The following LEPROT variants were observed in gnomAD, a reference collection of about 807,000 sequenced individuals.
LEPROT encodes the protein leptin receptor gene-related protein.
Under a neutral mutation model 15.4 loss-of-function variants are expected in LEPROT, and 3 were observed. That is an observed-to-expected ratio of 0.19 (90% CI 0.09 to 0.50). LEPROT has a LOEUF of 0.50. LEPROT is among the 20% of genes least tolerant of loss of function. The pLI is 0.97. For synonymous variants in LEPROT, 59 were observed against 57.5 expected (o/e 1.03, Z -0.12); for missense variants, 137 against 162.2 (o/e 0.84, Z 0.84).
intron 2 of LEPROT, among the ~76,000 whole-genome samples, chr1:65,429,174 A>G (rs1646436510): frequency 6.6e-6 from 1 of 152,118 alleles, no homozygotes; most frequent in Non-Finnish European, 1.5e-5. Context: ...GACCAGGGAA[A>G]GTTCTGCTTT....
intron 1 of LEPROT, among the ~76,000 whole-genome samples, chr1:65,423,049 A>G (rs758522530): frequency 2.5e-4 from 38 of 152,174 alleles, no homozygotes; most frequent in Non-Finnish European, 4.4e-4. Flanking sequence ...GTGGAATGCA[A>G]TCATGGTGTC....
In LEPROT at chr1:65,433,238, G is replaced by GAT; in HGVS notation, c.*1323_*1324dup. The stretch of plus-strand genomic sequence containing the variant: ...TACGGCTCTGGCTTCTTCCCGAAGA[G>GAT]ATATAGGAGCCATGTAAGCACGCAG... On this transcript the variant is annotated 3_prime_UTR_variant, in exon 4 of 4. Coordinates refer to ENST00000371065, the MANE Select transcript of LEPROT (RefSeq NM_017526.5). 1.0e-6 allele frequency: 1 copy of GAT among 985,370 alleles called. No homozygotes were observed. Among genetic ancestry groups the GAT allele is most frequent in the Non-Finnish European group, 1.2e-6 (1 of 829,944 alleles). 61.0% of individuals were successfully genotyped at this position (985,370 alleles called of 1,614,324 possible). A position where few individuals can be genotyped will look rare whatever the true frequency, so the allele number is the denominator to read the frequency against.
chr1:65,420,816 C>T (rs1315103804), intron 1 of LEPROT, 76 bp downstream of exon 1: 33 of 1,520,392 alleles, frequency 2.2e-5, no homozygotes, highest in African/African-American at 5.6e-5. Context: ...GGGGCTGCGC[C>T]TTCCGCGCGC....
Position 65,435,237 on chromosome 1 carries a change from G to GTC in LEPROT, c.*3319_*3320dup. The GTC allele has an allele frequency of 6.1e-6, 6 of 985,272 alleles. No homozygotes were observed. Among genetic ancestry groups the GTC allele is most frequent in the Non-Finnish European group, 7.2e-6 (6 of 829,838 alleles). The allele number at this position is 985,272 out of a possible 1,614,324, so 61.0% of individuals were successfully genotyped here. A position where few individuals can be genotyped will look rare whatever the true frequency, so the allele number is the denominator to read the frequency against. On this transcript the variant is annotated 3_prime_UTR_variant, in exon 4 of 4. Coordinates refer to ENST00000371065, the MANE Select transcript of LEPROT (RefSeq NM_017526.5). ...AGATTTTTCTTACTGTCCTAAGGAA[G>GTC]TCCTTACCTCTGAGGTATCTCCTCA...
chr1:65,420,882 C>A (rs1646232901), intron 1 of LEPROT, 142 bp downstream of exon 1: 8 of 1,082,178 alleles, frequency 7.4e-6, no homozygotes, highest in Non-Finnish European at 1.1e-5. Context: ...AGGCGATCGA[C>A]CGCTCCCTTC....
chr1:65,428,624 T>G (rs1646425349), intron 2 of LEPROT, among the ~76,000 whole-genome samples: 1 of 152,198 alleles, frequency 6.6e-6, no homozygotes, highest in Non-Finnish European at 1.5e-5. Context: ...TTAGTGTGGC[T>G]TCATCCCAAC....
chr1:65,430,877 C>T (rs983089859), intron 3 of LEPROT, among the ~76,000 whole-genome samples: 10 of 152,214 alleles, frequency 6.6e-5, no homozygotes, highest in African/African-American at 1.2e-4. Context: ...AGAGAAATTC[C>T]GACTGGCATT....
chr1:65,432,153 T>C lies in LEPROT; in HGVS notation c.*234T>C, dbSNP rs1389876983. On this transcript the variant is annotated 3_prime_UTR_variant, in exon 4 of 4. Coordinates refer to ENST00000371065, the MANE Select transcript of LEPROT (RefSeq NM_017526.5). ...ATTATGTTACTTGTTTGGCTGTTCA[T>C]GTAGTCACGGTGCTCTCAGAAAATA... is the stretch of plus-strand genomic sequence containing the variant. The C allele has an allele frequency of 6.8e-6, 8 of 1,184,950 alleles. No individual in the cohort carries two copies. The highest frequency in any genetic ancestry group is 4.8e-5 in the African/African-American group (3 of 62,418). The allele number at this position is 1,184,950 out of a possible 1,614,324, so 73.4% of individuals were successfully genotyped here.
chr1:65,434,839 C>T lies in LEPROT; in HGVS notation c.*2920C>T. On this transcript the variant is annotated 3_prime_UTR_variant, in exon 4 of 4. Coordinates refer to ENST00000371065, the MANE Select transcript of LEPROT (RefSeq NM_017526.5). ...TATTCCAGAGTCACCCACCCTTCTCCTCCCATTAGTCAGTTCTCTAAGTAC... is the reference window on the plus strand; with the variant it reads ...TATTCCAGAGTCACCCACCCTTCTCTTCCCATTAGTCAGTTCTCTAAGTAC... The T allele has an allele frequency of 2.0e-6, 2 of 985,542 alleles. No individual in the cohort carries two copies. The highest frequency in any genetic ancestry group is 2.4e-6 in the Non-Finnish European group (2 of 829,982). 61.0% of individuals were successfully genotyped at this position (985,542 alleles called of 1,614,324 possible). A position where few individuals can be genotyped will look rare whatever the true frequency, so the allele number is the denominator to read the frequency against.
At chr1:65,426,495 A>C (rs1646373560) in intron 2 of LEPROT, among the ~76,000 whole-genome samples, 2 of 152,100 alleles carry the variant, frequency 1.3e-5, no homozygotes, top group African/African-American at 4.8e-5. Flanking sequence ...GATAGGAAAG[A>C]GCTGAGACTG....
Position 65,432,721 on chromosome 1 carries a change from G to T in LEPROT, c.*802G>T. ...AAAGCCTCAGTTAGGAGGAATAAGT[G>T]TGATTTTTTTTTAAAGATCACTTGC... On this transcript the variant is annotated 3_prime_UTR_variant, in exon 4 of 4. Coordinates refer to ENST00000371065, the MANE Select transcript of LEPROT (RefSeq NM_017526.5). The T allele has an allele frequency of 1.2e-6, 1 of 822,364 alleles. No homozygotes were observed. Among genetic ancestry groups the T allele is most frequent in the Non-Finnish European group, 1.5e-6 (1 of 681,482 alleles). The allele number at this position is 822,364 out of a possible 1,614,324, so 50.9% of individuals were successfully genotyped here.
rs1646497050 is a variant in LEPROT at position 65,432,305 on chromosome 1, A to T, written c.*386A>T. Reference sequence around the variant, plus strand: ...TCATGACCCAGGAAGGCCGGGGTGGATCCCTCTTTGTGTTGTAGTCCATGC... The same window carrying T: ...TCATGACCCAGGAAGGCCGGGGTGGTTCCCTCTTTGTGTTGTAGTCCATGC... On this transcript the variant is annotated 3_prime_UTR_variant, in exon 4 of 4. Transcript: ENST00000371065. 2 of 992,874 alleles carry T rather than the reference A, an allele frequency of 2.0e-6. No individual in the cohort carries two copies. Among genetic ancestry groups the T allele is most frequent in the South Asian group, 9.0e-5 (2 of 22,258 alleles). 61.5% of individuals were successfully genotyped at this position (992,874 alleles called of 1,614,324 possible). A position where few individuals can be genotyped will look rare whatever the true frequency, so the allele number is the denominator to read the frequency against.
At chr1:65,425,040 T>C (rs979292933) in intron 1 of LEPROT, among the ~76,000 whole-genome samples, 1 of 152,336 alleles carries the variant, frequency 6.6e-6, no homozygotes. Flanking sequence ...GACCTTTTTT[T>C]CTTTCTTTTT....
rs1186887857 is a variant in LEPROT, at chr1:65,434,813, A to G, written c.*2894A>G. 2.0e-6 allele frequency: 2 copies of G among 985,404 alleles called. No homozygotes were observed. The highest frequency in any genetic ancestry group is 1.7e-5 in the African/African-American group (1 of 57,216). 61.0% of individuals were successfully genotyped at this position (985,404 alleles called of 1,614,324 possible). ...TCCATCCTCCCTCCTGAGGTTCTTC[A>G]TATTCCAGAGTCACCCACCCTTCTC... On this transcript the variant is annotated 3_prime_UTR_variant, in exon 4 of 4. Transcript: ENST00000371065.
At chr1:65,431,196 AT>A (rs1220373618) in intron 3 of LEPROT, among the ~76,000 whole-genome samples, 2 of 152,164 alleles carry the variant, frequency 1.3e-5, no homozygotes, top group Non-Finnish European at 2.9e-5. Flanking sequence ...GCTGCAGTAA[AT>A]ATTTATATTT....
chr1:65,432,770 A>C lies in LEPROT; in HGVS notation c.*851A>C, dbSNP rs1283111289. On this transcript the variant is annotated 3_prime_UTR_variant, in exon 4 of 4. Coordinates refer to ENST00000371065, the MANE Select transcript of LEPROT (RefSeq NM_017526.5). Reference sequence around the variant, plus strand: ...GCACAGCATGCTAAATATAGGAATAATTGAATGTATATTTCAATATTGCTA... The same window carrying C: ...GCACAGCATGCTAAATATAGGAATACTTGAATGTATATTTCAATATTGCTA... 1.9e-6 allele frequency: 1 copy of C among 528,518 alleles called. No homozygotes were observed. Among genetic ancestry groups the C allele is most frequent in the African/African-American group, 2.1e-5 (1 of 48,300 alleles). The allele number at this position is 528,518 out of a possible 1,614,324, so 32.7% of individuals were successfully genotyped here. A position where few individuals can be genotyped will look rare whatever the true frequency, so the allele number is the denominator to read the frequency against.
At chr1:65,426,373 A>G (rs1293940660) in intron 2 of LEPROT, among the ~76,000 whole-genome samples, 1 of 152,172 alleles carries the variant, frequency 6.6e-6, no homozygotes, top group Non-Finnish European at 1.5e-5. Flanking sequence ...CCTGCCGTGT[A>G]GAGGAGGTTC....
intron 2 of LEPROT, among the ~76,000 whole-genome samples, chr1:65,428,849 C>T (rs1646430050): frequency 6.6e-6 from 1 of 151,562 alleles, no homozygotes; most frequent in Non-Finnish European, 1.5e-5. Context: ...TTTATAATTG[C>T]AAAATGTTGA....
chr1:65,420,765 T>C (rs3790434), intron 1 of LEPROT, 25 bp downstream of exon 1: 747,489 of 1,570,966 alleles, frequency 0.48, 182,574 homozygotes, highest in East Asian at 0.86. Context: ...CCGGCTCGCT[T>C]GTCGTGTGGT....
Sources: allele counts gnomAD v4.1 joint callset (sites outside exome capture counted in the v4.1 genomes callset), GRCh38; gene constraint gnomAD v4.1.1; transcripts MANE v1.5; gene names NCBI Gene and HGNC (gene_info 2026-07-23, HGNC 2026-07-21).